Variants in BAZ1A observed in about 807,000 individuals in gnomAD.
BAZ1A encodes bromodomain adjacent to zinc finger domain protein 1A.
A neutral mutation model predicts 185.2 loss-of-function variants in BAZ1A; 50 were observed. That is an observed-to-expected ratio of 0.27 (90% CI 0.22 to 0.34). BAZ1A has a LOEUF of 0.34. BAZ1A is among the 10% of genes least tolerant of loss of function. The pLI is 1.00. For missense variants in BAZ1A, 1,356 were observed against 1,839.9 expected (o/e 0.74, Z 4.81); for synonymous variants, 571 against 615.6 (o/e 0.93, Z 1.07).
chr14:34,831,648 C>T (rs1057005850), intron 3 of BAZ1A, among the ~76,000 whole-genome samples: 1 of 152,160 alleles, frequency 6.6e-6, no homozygotes, highest in African/African-American at 2.4e-5. Context: ...TTCCAAAGCA[C>T]CCTAAGGCCT....
chr14:34,788,877 C>T, intron 12 of BAZ1A, among the ~76,000 whole-genome samples: 1 of 152,116 alleles, frequency 6.6e-6, no homozygotes, highest in Non-Finnish European at 1.5e-5. Context: ...GACTCCCCTA[C>T]CAAAGTTCAA....
chr14:34,851,562 G>C (rs2042597192), intron 3 of BAZ1A, among the ~76,000 whole-genome samples: 1 of 152,016 alleles, frequency 6.6e-6, no homozygotes, highest in African/African-American at 2.4e-5. Context: ...AGTTCCAGGG[G>C]AGGGGACAGA....
At chr14:34,873,557 C>T (rs2042986360) in intron 2 of BAZ1A, among the ~76,000 whole-genome samples, 1 of 152,180 alleles carries the variant, frequency 6.6e-6, no homozygotes, top group Non-Finnish European at 1.5e-5. Context: ...TGTCAGGCAG[C>T]CCACATGCGC....
chr14:34,757,756 T>G (rs1886324641), intron 25 of BAZ1A, among the ~76,000 whole-genome samples: 1 of 151,366 alleles, frequency 6.6e-6, no homozygotes, highest in Non-Finnish European at 1.5e-5. Context: ...TTTTTTTTTT[T>G]GAGATGGAGT....
intron 4 of BAZ1A, among the ~76,000 whole-genome samples, chr14:34,825,665 C>T (rs2042156104): frequency 6.6e-6 from 1 of 151,066 alleles, no homozygotes; most frequent in Non-Finnish European, 1.5e-5. Context: ...CAGCTGGGTG[C>T]GGTGGCTCAT....
chr14:34,768,904 T>C (rs1879033032), intron 21 of BAZ1A: 2 of 218,456 alleles, frequency 9.2e-6, no homozygotes, highest in Admixed American at 1.1e-4. Context: ...GTATCTTACC[T>C]AAAACAAAAC....
chr14:34,844,021 C>T (rs1255599867), intron 3 of BAZ1A, among the ~76,000 whole-genome samples: 4 of 118,508 alleles, frequency 3.4e-5, no homozygotes, highest in East Asian at 2.4e-4. Flanking sequence ...CTGGCTAACA[C>T]GGTGAAACCC....
rs375245220 is a variant in BAZ1A at position 34,776,174 on chromosome 14, C to T, written c.2578G>A (p.Gly860Arg). 2 of 1,614,048 alleles carry T rather than the reference C, an allele frequency of 1.2e-6. No individual in the cohort carries two copies. The highest frequency in any genetic ancestry group is 1.7e-6 in the Non-Finnish European group (2 of 1,180,046). Residue 860 changes from glycine (G) to arginine (R), a missense_variant, in exon 18 of 27, where the codon GGA becomes AGA. By Grantham distance (125) the Gly-to-Arg change is moderately radical. Transcript: ENST00000360310. ...GTAGATTCAGACATCAAAGGCTCTCCAGTTTTAGTGGATACCTGAGGATCT... is the reference window on the plus strand; with the variant it reads ...GTAGATTCAGACATCAAAGGCTCTCTAGTTTTAGTGGATACCTGAGGATCT... ...SQDPQVSTKTGEPLMSESTSN... is the reference protein window; with the variant it reads ...SQDPQVSTKTREPLMSESTSN...
At chr14:34,823,661 C>CA (rs1019473398) in intron 4 of BAZ1A, among the ~76,000 whole-genome samples, 192 of 148,880 alleles carry the variant, frequency 1.3e-3, no homozygotes, top group African/African-American at 4.4e-3. Context: ...AACTCCATCT[C>CA]AAAAAAAAAA....
In BAZ1A at chr14:34,765,004, T is replaced by A. The variant is rs1566547586; in HGVS notation, c.3549+17A>T. 1 of 1,613,234 alleles carries A rather than the reference T, an allele frequency of 6.2e-7. No individual in the cohort carries two copies. Reference sequence around the variant, plus strand: ...TCTTAATGTCTCATTTCTAATCTGATAAGAAGAAAAAAATACCTTGAGCTT... The same window carrying A: ...TCTTAATGTCTCATTTCTAATCTGAAAAGAAGAAAAAAATACCTTGAGCTT... On this transcript the variant is annotated intron_variant, in intron 22 of 26. Transcript: ENST00000360310.
chr14:34,846,034 T>C (rs2042507529), intron 3 of BAZ1A, among the ~76,000 whole-genome samples: 1 of 152,124 alleles, frequency 6.6e-6, no homozygotes, highest in Non-Finnish European at 1.5e-5. Context: ...CAATGGGGAT[T>C]TAAGGTCAGA....
At chr14:34,794,554 TG>T (rs1287717971) in intron 11 of BAZ1A, among the ~76,000 whole-genome samples, 194 bp downstream of exon 11, 2 of 152,142 alleles carry the variant, frequency 1.3e-5, no homozygotes, top group East Asian at 1.9e-4. Context: ...TGAGATACTC[TG>T]ATGAAATGAA....
At chr14:34,840,955 T>A (rs981140605) in intron 3 of BAZ1A, among the ~76,000 whole-genome samples, 11 of 150,882 alleles carry the variant, frequency 7.3e-5, no homozygotes, top group South Asian at 6.3e-4. Flanking sequence ...AAAATCAATA[T>A]TTTTTTTTTT....
At chr14:34,863,849 A>AT (rs3062595) in intron 2 of BAZ1A, among the ~76,000 whole-genome samples, 1 of 151,350 alleles carries the variant, frequency 6.6e-6, no homozygotes, top group African/African-American at 2.4e-5. Flanking sequence ...TATTGTTTGA[A>AT]TTTTTTTTCT....
intron 24 of BAZ1A, among the ~76,000 whole-genome samples, chr14:34,761,133 C>T (rs558895479): frequency 1.2e-4 from 18 of 151,922 alleles, no homozygotes; most frequent in Non-Finnish European, 2.6e-4. Context: ...CAAAAATTAG[C>T]CCGGTGTGAT....
At chr14:34,794,568 G>T (rs914187686) in intron 11 of BAZ1A, among the ~76,000 whole-genome samples, 181 bp downstream of exon 11, 1 of 152,148 alleles carries the variant, frequency 6.6e-6, no homozygotes, top group African/African-American at 2.4e-5. Flanking sequence ...GAAATGAAAG[G>T]CCACATGAAG....
chr14:34,853,242 T>C (rs750953807), intron 3 of BAZ1A, among the ~76,000 whole-genome samples: 18 of 152,218 alleles, frequency 1.2e-4, no homozygotes, highest in Non-Finnish European at 1.9e-4. Context: ...AGAGAACAAA[T>C]GTCAGTGCAT....
At chr14:34,775,427 CCTTA>C (rs1281492271) in intron 18 of BAZ1A, among the ~76,000 whole-genome samples, 8 of 152,152 alleles carry the variant, frequency 5.3e-5, no homozygotes, top group African/African-American at 1.9e-4. Flanking sequence ...TCTAAAAATG[CCTTA>C]CTGCTTTTTC....
At chr14:34,821,076 G>A (rs2042082043) in intron 4 of BAZ1A, among the ~76,000 whole-genome samples, 2 of 152,176 alleles carry the variant, frequency 1.3e-5, no homozygotes, top group Admixed American at 1.3e-4. Context: ...TAATCAGTTT[G>A]CTGATATCCA....
Sources: allele counts gnomAD v4.1 joint callset (sites outside exome capture counted in the v4.1 genomes callset), GRCh38; gene constraint gnomAD v4.1.1; transcripts MANE v1.5; gene names NCBI Gene and HGNC (gene_info 2026-07-23, HGNC 2026-07-21).